Variants in NDRG3 observed in about 807,000 individuals in gnomAD.
NDRG3 encodes NDRG family member 3, also known as protein NDRG3.
NDRG3 carries 23 observed loss-of-function variants against 57.2 expected under a neutral mutation model. The ratio of observed to expected loss-of-function variants is 0.40; its 90% CI spans 0.29 to 0.57. The LOEUF (loss-of-function observed/expected upper bound fraction) is 0.57. Among genes scored for constraint, NDRG3 ranks in the 20% least tolerant of loss-of-function variants. The pLI is 0.42. For missense variants in NDRG3, 384 were observed against 457.3 expected, an observed-to-expected ratio of 0.84 and a Z score of 1.46; for synonymous variants, 132 against 162.6, an observed-to-expected ratio of 0.81 and a Z score of 1.43.
chr20:36,705,106 G>A (rs1345257382), intron 3 of NDRG3, among the ~76,000 whole-genome samples: 1 of 151,588 alleles, frequency 6.6e-6, no homozygotes, highest in African/African-American at 2.4e-5. Flanking sequence ...AATCATTTGA[G>A]GTCAGGGGTT....
chr20:36,724,508 C>T (rs1488039287), intron 1 of NDRG3, among the ~76,000 whole-genome samples: 1 of 152,170 alleles, frequency 6.6e-6, no homozygotes, highest in African/African-American at 2.4e-5. Flanking sequence ...TCACAGTCCC[C>T]ACTTAACTCT....
intron 13 of NDRG3, 99 bp from the exon 14 acceptor site, chr20:36,656,631 G>C (rs6071780): frequency 1.5e-6 from 2 of 1,333,502 alleles, no homozygotes; most frequent in Non-Finnish European, 2.1e-6. Flanking sequence ...TTGAATTCTA[G>C]GTTTTAATGT....
chr20:36,714,982 C>CTGTG (rs374158525), intron 2 of NDRG3, among the ~76,000 whole-genome samples: 80 of 50,220 alleles, frequency 1.6e-3, no homozygotes, highest in Admixed American at 2.2e-3. Context: ...AATCCTATAT[C>CTGTG]TGTGTGTGTG....
At chr20:36,659,269 G>A (rs557377536) in intron 13 of NDRG3, among the ~76,000 whole-genome samples, 1 of 152,110 alleles carries the variant, frequency 6.6e-6, no homozygotes, top group African/African-American at 2.4e-5. Flanking sequence ...GAAAGGCTAT[G>A]TCATAAAGTT....
In NDRG3 at chr20:36,660,680, C is replaced by G. The variant is rs533792225; in HGVS notation, c.811-296G>C. On this transcript the variant is annotated intron_variant, in intron 12 of 15. Coordinates refer to ENST00000349004, the MANE Select transcript of NDRG3 (RefSeq NM_032013.4). ...GGTTCACGCCATTCTCCTGCCTCAG[C>G]CTCCCGAGTAGCTGGGACTACAGGC... Among the ~76,000 whole-genome samples the G allele has an allele frequency of 1.3e-4, 19 of 151,886 alleles. No homozygotes were observed. In the East Asian group the frequency reaches 3.5e-3, roughly 28 times the overall value.
intron 1 of NDRG3, among the ~76,000 whole-genome samples, chr20:36,723,607 C>A (rs1441786384): frequency 6.7e-6 from 1 of 148,300 alleles, no homozygotes; most frequent in Non-Finnish European, 1.5e-5. Flanking sequence ...AAAGGAGAAG[C>A]AATTATGTCT....
At chr20:36,739,766 C>T (rs1454724532) in intron 1 of NDRG3, among the ~76,000 whole-genome samples, 1 of 151,750 alleles carries the variant, frequency 6.6e-6, no homozygotes, top group Non-Finnish European at 1.5e-5. Flanking sequence ...AAAAATTAGC[C>T]GGGTGCGGTG....
chr20:36,688,572 A>G, intron 4 of NDRG3, 107 bp downstream of exon 4: 1 of 820,954 alleles, frequency 1.2e-6, no homozygotes. Context: ...GAAAGTTACC[A>G]CAGAGAGGGG....
chr20:36,672,828 CAAA>C (rs1269407865), intron 8 of NDRG3, among the ~76,000 whole-genome samples: 1 of 118,062 alleles, frequency 8.5e-6, no homozygotes. Context: ...GATTCCGTCT[CAAA>C]AAAAAAAAAA....
chr20:36,661,544 T>A (rs1717207696), intron 12 of NDRG3, among the ~76,000 whole-genome samples: 1 of 152,198 alleles, frequency 6.6e-6, no homozygotes, highest in Admixed American at 6.5e-5. Flanking sequence ...GAGTGGGATT[T>A]CTACAGATAG....
chr20:36,680,676 G>A (rs936099655), intron 8 of NDRG3, 140 bp downstream of exon 8: 6 of 600,326 alleles, frequency 1.0e-5, no homozygotes, highest in Non-Finnish European at 1.8e-5. Flanking sequence ...TGATTGGATG[G>A]TGATTTTATA....
intron 15 of NDRG3, chr20:36,654,666 C>A: frequency 1.5e-6 from 1 of 670,218 alleles, no homozygotes; most frequent in South Asian, 1.6e-5. Flanking sequence ...GACCTGTAGG[C>A]TAAATCTCTT....
chr20:36,716,824 G>A (rs931361699), intron 2 of NDRG3, among the ~76,000 whole-genome samples: 1 of 152,092 alleles, frequency 6.6e-6, no homozygotes, highest in African/African-American at 2.4e-5. Flanking sequence ...GGAACAACCA[G>A]GTACAAGAGG....
chr20:36,656,654 T>C, intron 13 of NDRG3, 122 bp from the exon 14 acceptor site: 1 of 1,039,072 alleles, frequency 9.6e-7, no homozygotes, highest in South Asian at 1.4e-5. Context: ...AACTGCAAGT[T>C]TGCATCTCAA....
chr20:36,653,689 C>A lies in NDRG3; in HGVS notation c.959G>T (p.Ser320Ile). The A allele has an allele frequency of 6.2e-7, 1 of 1,613,416 alleles. No homozygotes were observed. Among genetic ancestry groups the A allele is most frequent in the Non-Finnish European group, 8.5e-7 (1 of 1,179,964 alleles). ...LQGMGYIPSA[S>I]MTRLARSRTH... The stretch of plus-strand genomic sequence containing the variant: ...TCGTGATCGGGCGAGCCGAGTCATG[C>A]TGGCAGATGGTACTGTAACAGAGAA... The change falls in exon 16 of 16, where the codon AGC (serine) becomes ATC (isoleucine). Residue 320 changes from serine (S) to isoleucine (I), a missense_variant. By Grantham distance (142) the Ser-to-Ile change is moderately radical (BLOSUM62 -2). Coordinates refer to ENST00000349004, the MANE Select transcript of NDRG3 (RefSeq NM_032013.4). This position sits in a 1 kb window ranked among gnomAD's most constrained non-coding sequence, Gnocchi z 4.2.
At chr20:36,659,181 C>T (rs1457452340) in intron 13 of NDRG3, among the ~76,000 whole-genome samples, 1 of 152,106 alleles carries the variant, frequency 6.6e-6, no homozygotes, top group Non-Finnish European at 1.5e-5. Context: ...GAACTCCTGG[C>T]CTCCCACCTC....
intron 3 of NDRG3, among the ~76,000 whole-genome samples, chr20:36,699,314 G>A (rs1410460980): frequency 6.6e-6 from 1 of 152,074 alleles, no homozygotes; most frequent in Non-Finnish European, 1.5e-5. Flanking sequence ...TTCCTTCTGG[G>A]AATGGATAAA....
chr20:36,743,215 C>T (rs1276408425), intron 1 of NDRG3, among the ~76,000 whole-genome samples: 1 of 152,188 alleles, frequency 6.6e-6, no homozygotes, highest in Admixed American at 6.5e-5. Context: ...CAAAAGCAGC[C>T]GGGCTCGGAG....
intron 3 of NDRG3, among the ~76,000 whole-genome samples, chr20:36,702,030 T>C (rs111321981): frequency 2.0e-5 from 3 of 152,330 alleles, no homozygotes; most frequent in African/African-American, 7.2e-5. Flanking sequence ...AACTAAATCA[T>C]GCTAAATCAC....
Sources: allele counts gnomAD v4.1 joint callset (sites outside exome capture counted in the v4.1 genomes callset), GRCh38; gene constraint gnomAD v4.1.1; non-coding constraint Gnocchi (gnomAD v3.1); transcripts MANE v1.5; gene names NCBI Gene and HGNC (gene_info 2026-07-23, HGNC 2026-07-21).